ACACB: variants seen among roughly 807,000 people sequenced by gnomAD.
ACACB encodes the protein acetyl-CoA carboxylase beta, also known as acetyl-CoA carboxylase 2.
Under a neutral mutation model 278.8 loss-of-function variants are expected in ACACB, and 209 were observed. The observed-to-expected ratio is 0.75, with a 90% CI of 0.67 to 0.84. The LOEUF is 0.84. ACACB is among the 40% of genes least tolerant of loss of function. The pLI is 0.00. For synonymous variants in ACACB, 1,174 were observed against 1,285.6 expected (o/e 0.91, Z 1.86); for missense variants, 2,850 against 3,269.0 (o/e 0.87, Z 3.13).
intron 22 of ACACB, among the ~76,000 whole-genome samples, chr12:109,215,635 G>A (rs1288859351): frequency 6.6e-6 from 1 of 152,084 alleles, no homozygotes; most frequent in East Asian, 1.9e-4. Flanking sequence ...GTGGGTGGCA[G>A]GCGCCTGTAG....
chr12:109,142,253 T>TA (rs1025849602), intron 2 of ACACB, among the ~76,000 whole-genome samples: 3 of 151,616 alleles, frequency 2.0e-5, no homozygotes, highest in Non-Finnish European at 2.9e-5. Context: ...TGTCTCAAAA[T>TA]AAAAAAACAA....
intron 21 of ACACB, among the ~76,000 whole-genome samples, chr12:109,210,261 G>GTA (rs2045745999): frequency 2.2e-5 from 1 of 45,034 alleles, no homozygotes; most frequent in African/African-American, 1.1e-4. Context: ...ACACATGTGT[G>GTA]TATATGTACA....
At chr12:109,143,378 A>G (rs934754058) in intron 2 of ACACB, among the ~76,000 whole-genome samples, 1 of 148,218 alleles carries the variant, frequency 6.7e-6, no homozygotes, top group African/African-American at 2.5e-5. Context: ...TGGGAGAATC[A>G]CTTAAGCCCA....
chr12:109,248,243 ATTGCAG>A (rs2047001200), intron 40 of ACACB, among the ~76,000 whole-genome samples: 1 of 152,200 alleles, frequency 6.6e-6, no homozygotes, highest in Non-Finnish European at 1.5e-5. Context: ...AAACATCTTT[ATTGCAG>A]ACCTTCTTAG....
intron 1 of ACACB, among the ~76,000 whole-genome samples, chr12:109,130,612 G>A (rs2135977920): frequency 6.6e-6 from 1 of 152,306 alleles, no homozygotes; most frequent in South Asian, 2.1e-4. Context: ...GCTGTAGGTT[G>A]CAGCAGGTGG....
At chr12:109,182,742 G>A (rs1048170519) in intron 11 of ACACB, among the ~76,000 whole-genome samples, 4 of 152,178 alleles carry the variant, frequency 2.6e-5, no homozygotes, top group African/African-American at 9.6e-5. Flanking sequence ...CTCCCATGCT[G>A]TGGATTGTCT....
At chr12:109,158,996 A>C (rs971569533) in intron 2 of ACACB, among the ~76,000 whole-genome samples, 1 of 152,086 alleles carries the variant, frequency 6.6e-6, no homozygotes, top group Non-Finnish European at 1.5e-5. Context: ...AACAAAACAA[A>C]AAACAATCTA....
chr12:109,138,366 C>A (rs1480649591), intron 1 of ACACB, among the ~76,000 whole-genome samples: 1 of 152,090 alleles, frequency 6.6e-6, no homozygotes, highest in Non-Finnish European at 1.5e-5. Context: ...TGGTCTAGAC[C>A]CTGCAACAGA....
At chr12:109,210,201 A>ATATATGTATATATACACATACGTGTG (rs2045720627) in intron 21 of ACACB, among the ~76,000 whole-genome samples, 1 of 13,568 alleles carries the variant, frequency 7.4e-5, no homozygotes, top group Non-Finnish European at 1.5e-4. Flanking sequence ...GTGTATATGT[A>ATATATGTATATATACACATACGTGTG]TATATGTATA....
intron 12 of ACACB, among the ~76,000 whole-genome samples, chr12:109,187,573 C>T (rs948864008): frequency 4.0e-5 from 6 of 151,848 alleles, no homozygotes; most frequent in Admixed American, 6.6e-5. Flanking sequence ...GATCCTTCTG[C>T]CTCAGCCCCA....
chr12:109,176,556 T>G (rs181790513), intron 9 of ACACB, among the ~76,000 whole-genome samples: 1 of 152,226 alleles, frequency 6.6e-6, no homozygotes, highest in Admixed American at 6.5e-5. Flanking sequence ...TATTGGCCTA[T>G]AGAGGAATGG....
intron 1 of ACACB, among the ~76,000 whole-genome samples, chr12:109,133,851 ATATATATATATATTTTTTT>A (rs1361496470): frequency 3.7e-5 from 3 of 80,650 alleles, no homozygotes; most frequent in Non-Finnish European, 7.1e-5. Flanking sequence ...ATATATATAT[ATATATATATATATTTTTTT>A]TTTTTTTTTT....
At chr12:109,212,986 A>T (rs1218662912) in intron 22 of ACACB, 50 bp downstream of exon 22, 3 of 1,521,610 alleles carry the variant, frequency 2.0e-6, no homozygotes, top group African/African-American at 2.7e-5. Context: ...GAATCGTCGC[A>T]TGCATTGCAC....
intron 29 of ACACB, 117 bp downstream of exon 29, chr12:109,232,923 A>G: frequency 8.1e-7 from 1 of 1,242,092 alleles, no homozygotes. Context: ...CACGTGGCAC[A>G]GCATGTCAAT....
intron 44 of ACACB, among the ~76,000 whole-genome samples, chr12:109,255,503 C>G (rs112592045): frequency 6.6e-6 from 1 of 152,182 alleles, no homozygotes; most frequent in African/African-American, 2.4e-5. Context: ...GGCCAGTCCT[C>G]GGCAGATGCT....
At chr12:109,256,364 C>G in intron 45 of ACACB, 128 bp downstream of exon 45, 1 of 676,832 alleles carries the variant, frequency 1.5e-6, no homozygotes, top group Non-Finnish European at 2.6e-6. Context: ...AAGAAAAAAC[C>G]AATTTGGGGA....
chr12:109,168,325 A>G (rs920893076), intron 4 of ACACB, among the ~76,000 whole-genome samples: 1 of 152,162 alleles, frequency 6.6e-6, no homozygotes, highest in Non-Finnish European at 1.5e-5. Context: ...GGTGTATGTA[A>G]TTGTATTTCA....
chr12:109,222,500 C>T lies in ACACB; in HGVS notation c.3565-7C>T. On this transcript the variant is annotated splice_region_variant and splice_polypyrimidine_tract_variant and intron_variant, in intron 24 of 52. Transcript: ENST00000338432. ...AAGCCATTTGGCTTCTTTTTCTGTC[C>T]CCTAAGGATGAGCTGTGTGGCCCAG... is the stretch of plus-strand genomic sequence containing the variant. 1 of 1,613,508 alleles carries T rather than the reference C, an allele frequency of 6.2e-7. No individual in the cohort carries two copies. The highest frequency in any genetic ancestry group is 1.1e-5 in the South Asian group (1 of 91,072).
At chr12:109,144,601 G>C (rs944611488) in intron 2 of ACACB, among the ~76,000 whole-genome samples, 5 of 152,090 alleles carry the variant, frequency 3.3e-5, no homozygotes, top group African/African-American at 1.2e-4. Context: ...CTAGGATCAT[G>C]CAGCACCTCA....
Sources: allele counts gnomAD v4.1 joint callset (sites outside exome capture counted in the v4.1 genomes callset), GRCh38; gene constraint gnomAD v4.1.1; transcripts MANE v1.5; gene names NCBI Gene and HGNC (gene_info 2026-07-23, HGNC 2026-07-21).